VSIG8: variants seen among roughly 807,000 people sequenced by gnomAD.
The protein encoded by VSIG8 is V-set and immunoglobulin domain-containing protein 8.
Under a neutral mutation model 42.6 loss-of-function variants are expected in VSIG8, and 32 were observed. The ratio of observed to expected loss-of-function variants is 0.75; its 90% CI spans 0.57 to 1.01. The LOEUF (loss-of-function observed/expected upper bound fraction) is 1.01. Among genes scored for constraint, VSIG8 ranks in the 50% least tolerant of loss-of-function variants. The pLI is 0.00. For synonymous variants in VSIG8, 290 were observed against 243.8 expected (o/e 1.19, Z -1.77); for missense variants, 529 against 558.0 (o/e 0.95, Z 0.52).
chr1:159,862,587 A>C lies in VSIG8; in HGVS notation c.-66T>G. The C allele has an allele frequency of 7.7e-6, 6 of 775,708 alleles. No individual in the cohort carries two copies. Among genetic ancestry groups the C allele is most frequent in the Non-Finnish European group, 1.2e-5 (6 of 494,052 alleles). 48.1% of individuals were successfully genotyped at this position (775,708 alleles called of 1,614,324 possible). The stretch of plus-strand genomic sequence containing the variant: ...CCGTGGGGTCGTAGTGGTGGGTGTG[A>C]GGGGGTAGGTGGAGGGAGGGGGAGC... On this transcript the variant is annotated 5_prime_UTR_variant, in exon 1 of 7. Transcript: ENST00000368100.
At chr1:159,857,110 T>C (rs999207602) in intron 4 of VSIG8, among the ~76,000 whole-genome samples, 2 of 152,132 alleles carry the variant, frequency 1.3e-5, no homozygotes, top group African/African-American at 4.8e-5. Flanking sequence ...TCCCTTTCCA[T>C]ATATGAAGAA....
In VSIG8 at chr1:159,855,980, C is replaced by A; in HGVS notation, c.874G>T (p.Gly292Trp). 2 of 1,600,708 alleles carry A rather than the reference C, an allele frequency of 1.2e-6. No individual in the cohort carries two copies. The highest frequency in any genetic ancestry group is 1.1e-5 in the South Asian group (1 of 89,458). The change falls in exon 6 of 7, where the codon GGG becomes TGG. Residue 292 changes from glycine (G) to tryptophan (W), a missense_variant. Transcript: ENST00000368100. ...GIWGLVCCCC[G>W]GSGAGGARGA... is the part of the protein sequence containing the mutation. ...CGGGCGCCGCCAGCCCCGGAGCCCC[C>A]GCAGCAGCAGCAGACGAGCCCCCAG...
In VSIG8 at chr1:159,854,736, C is replaced by T. The variant is rs1452292869; in HGVS notation, c.*17G>A. 2 of 1,457,678 alleles carry T rather than the reference C, an allele frequency of 1.4e-6. No individual in the cohort carries two copies. The highest frequency in any genetic ancestry group is 1.8e-6 in the Non-Finnish European group (2 of 1,113,932). 90.3% of individuals were successfully genotyped at this position (1,457,678 alleles called of 1,614,324 possible). On this transcript the variant is annotated 3_prime_UTR_variant, in exon 7 of 7. Transcript: ENST00000368100. The stretch of plus-strand genomic sequence containing the variant: ...CCCTCCTCCTGGCTGGGGCGCAGCC[C>T]GGCCCGGCGCGCGCGCTCACACCAA...
rs1378159867 is a variant in VSIG8, at chr1:159,855,911, C to A, written c.943G>T (p.Ala315Ser). Residue 315 changes from alanine to serine, a missense_variant, in exon 6 of 7, where the codon GCC becomes TCC. Transcript: ENST00000368100. ...YGNGGGVGGG[A>S]CGDLASEIRE... ...ATCTCACTAGCCAAGTCGCCGCAGGCCCCTCCGCCGACCCCGCCGCCGTTG... is the reference window on the plus strand; with the variant it reads ...ATCTCACTAGCCAAGTCGCCGCAGGACCCTCCGCCGACCCCGCCGCCGTTG... 1 of 1,558,078 alleles carries A rather than the reference C, an allele frequency of 6.4e-7. No homozygotes were observed. Among genetic ancestry groups the A allele is most frequent in the Admixed American group, 1.9e-5 (1 of 51,296 alleles).
rs147116104 is a variant in VSIG8, at chr1:159,856,507, A to G, written c.772+17T>C. 1.2e-6 allele frequency: 2 copies of G among 1,613,392 alleles called. No individual in the cohort carries two copies. Among genetic ancestry groups the G allele is most frequent in the Non-Finnish European group, 1.7e-6 (2 of 1,179,586 alleles). On this transcript the variant is annotated intron_variant, in intron 5 of 6. Coordinates refer to ENST00000368100, the MANE Select transcript of VSIG8 (RefSeq NM_001013661.1). The stretch of plus-strand genomic sequence containing the variant: ...CAACCCTCCCAACCACCCAGCCCTC[A>G]AGACTGCTGCACCTACCTGAGACCT...
Position 159,854,718 on chromosome 1 carries a change from C to G in VSIG8, c.*35G>C. The G allele has an allele frequency of 7.0e-7, 1 of 1,432,908 alleles. No individual in the cohort carries two copies. Among genetic ancestry groups the G allele is most frequent in the African/African-American group, 1.5e-5 (1 of 66,818 alleles). 88.8% of individuals were successfully genotyped at this position (1,432,908 alleles called of 1,614,324 possible). On this transcript the variant is annotated 3_prime_UTR_variant, in exon 7 of 7. Transcript: ENST00000368100. ...CAGACAGAGAGCCCCGCGCCCTCCT[C>G]CTGGCTGGGGCGCAGCCCGGCCCGG...
chr1:159,858,863 G>A lies in VSIG8; in HGVS notation c.99C>T (p.Tyr33=). The A allele has an allele frequency of 6.2e-7, 1 of 1,614,024 alleles. No individual in the cohort carries two copies. Among genetic ancestry groups the A allele is most frequent in the East Asian group, 2.2e-5 (1 of 44,864 alleles). Reference sequence around the variant, plus strand: ...GCCTCACATTATCACCTTCTGCCAGGTACAGGACCTCCTGTCCATCCCCGT... The same window carrying A: ...GCCTCACATTATCACCTTCTGCCAGATACAGGACCTCCTGTCCATCCCCGT... The part of the protein sequence containing the change: ...RINGDGQEVL[Y]LAEGDNVRLG... Residue 33 remains tyrosine (Y), a synonymous_variant, in exon 2 of 7, where the codon TAC becomes TAT. Coordinates refer to ENST00000368100, the MANE Select transcript of VSIG8 (RefSeq NM_001013661.1).
chr1:159,862,317 C>G lies in VSIG8; in HGVS notation c.49+156G>C, dbSNP rs1307888163. 4.3e-6 allele frequency: 3 copies of G among 692,650 alleles called. No individual in the cohort carries two copies. In the East Asian group the frequency reaches 8.4e-5, roughly 19 times the overall value. The allele number at this position is 692,650 out of a possible 1,614,324, so 42.9% of individuals were successfully genotyped here. ...CACAGGGTCTCCTGGGGAAAGGTCC[C>G]CTGGTAATACCCACACCCGGCTGCA... On this transcript the variant is annotated intron_variant, in intron 1 of 6. Coordinates refer to ENST00000368100, the MANE Select transcript of VSIG8 (RefSeq NM_001013661.1).
At chr1:159,855,213 G>C (rs1320832536) in intron 6 of VSIG8, 187 bp from the exon 7 acceptor site, 4 of 1,551,454 alleles carry the variant, frequency 2.6e-6, no homozygotes, top group African/African-American at 1.4e-5. Context: ...CGACCCTGCA[G>C]CGGTCCCGGA....
rs1284063593 is a variant in VSIG8, at chr1:159,857,993, C to A, written c.431-27G>T. On this transcript the variant is annotated intron_variant, in intron 3 of 6. Transcript: ENST00000368100. ...TGCAAGGAGGCAGACAATTGTAAGCCAGGGCCCAGCCAAGAGACAGAGCCA... is the reference window on the plus strand; with the variant it reads ...TGCAAGGAGGCAGACAATTGTAAGCAAGGGCCCAGCCAAGAGACAGAGCCA... The A allele has an allele frequency of 2.5e-6, 4 of 1,612,274 alleles. No individual in the cohort carries two copies. In the South Asian group the frequency reaches 4.4e-5, roughly 18 times the overall value.
rs773986906 is a variant in VSIG8, at chr1:159,856,070, T to G, written c.784A>C (p.Ile262Leu). ...VEVKVSDSRR[I>L]GVIIGIVLGS... ...AGGACGATGCCGATGATCACGCCTA[T>G]ACGCCGGGAGTCTGTGGAGAGAAGT... The change falls in exon 6 of 7, where the codon ATA (isoleucine) becomes CTA (leucine). Residue 262 changes from isoleucine (I) to leucine (L), a missense_variant. Transcript: ENST00000368100. 1 of 1,611,704 alleles carries G rather than the reference T, an allele frequency of 6.2e-7. No individual in the cohort carries two copies. The highest frequency in any genetic ancestry group is 8.5e-7 in the Non-Finnish European group (1 of 1,179,166).
chr1:159,861,760 C>T (rs1365052745), intron 1 of VSIG8: 1 of 152,304 alleles, frequency 6.6e-6, no homozygotes, highest in East Asian at 1.9e-4. Context: ...CTTGCCCCAA[C>T]CTGGGCAGGA....
rs1648904481 is a variant in VSIG8, at chr1:159,858,077, A to G, written c.430+13T>C. The G allele has an allele frequency of 1.2e-6, 2 of 1,614,164 alleles. No homozygotes were observed. ...AGCCAGGGGGAGAGGAGCTTAGAGGAGTCTGGCCATACCTTGGACAGTGAC... is the reference window on the plus strand; with the variant it reads ...AGCCAGGGGGAGAGGAGCTTAGAGGGGTCTGGCCATACCTTGGACAGTGAC... On this transcript the variant is annotated intron_variant, in intron 3 of 6. Coordinates refer to ENST00000368100, the MANE Select transcript of VSIG8 (RefSeq NM_001013661.1).
At chr1:159,855,294 A>C in intron 6 of VSIG8, 3 of 1,542,754 alleles carry the variant, frequency 1.9e-6, no homozygotes. Context: ...AGCCCCCTCC[A>C]GGCCCCTGCA....
In VSIG8 at chr1:159,857,880, A is replaced by G. The variant is rs757533419; in HGVS notation, c.517T>C (p.Ser173Pro). The G allele has an allele frequency of 6.2e-7, 1 of 1,614,174 alleles. No homozygotes were observed. Among genetic ancestry groups the G allele is most frequent in the South Asian group, 1.1e-5 (1 of 91,080 alleles). Residue 173 changes from serine to proline, a missense_variant, in exon 4 of 7, where the codon TCC becomes CCC. Physicochemically the swap from Ser to Pro is moderately conservative, Grantham distance 74. Transcript: ENST00000368100. ...VVLKCYASGG[S>P]QPLSYKWAKI... ...GCCCACTTGTAGGAGAGGGGCTGGGAGCCCCCACTGGCATAGCACTTCAGC... is the reference window on the plus strand; with the variant it reads ...GCCCACTTGTAGGAGAGGGGCTGGGGGCCCCCACTGGCATAGCACTTCAGC...
Position 159,856,044 on chromosome 1 carries a change from C to T in VSIG8, c.810G>A (p.Leu270=). The T allele has an allele frequency of 6.2e-7, 1 of 1,612,380 alleles. No individual in the cohort carries two copies. The highest frequency in any genetic ancestry group is 8.5e-7 in the Non-Finnish European group (1 of 1,179,458). Residue 270 remains leucine, a synonymous_variant, in exon 6 of 7, where the codon CTG becomes CTA. Coordinates refer to ENST00000368100, the MANE Select transcript of VSIG8 (RefSeq NM_001013661.1). ...GGCAGCCCAGCGCGAGCAGAGAGCC[C>T]AGGACGATGCCGATGATCACGCCTA... The part of the protein sequence containing the change: ...RRIGVIIGIV[L]GSLLALGCLA...
At chr1:159,857,708 A>G in intron 4 of VSIG8, 37 bp downstream of exon 4, 1 of 1,580,286 alleles carries the variant, frequency 6.3e-7, no homozygotes. Flanking sequence ...CTGATCTTCC[A>G]CTCACCCCCG....
rs184961260 is a variant in VSIG8 at position 159,860,235 on chromosome 1, G to A, written c.50-1323C>T. Among the ~76,000 whole-genome samples, 7 of 152,214 alleles carry A rather than the reference G, an allele frequency of 4.6e-5. No individual in the cohort carries two copies. In the East Asian group the frequency reaches 5.8e-4, roughly 13 times the overall value. On this transcript the variant is annotated intron_variant, in intron 1 of 6. Coordinates refer to ENST00000368100, the MANE Select transcript of VSIG8 (RefSeq NM_001013661.1). ...CCATCACAGGCAAACAAATCGGCAC[G>A]TGGCCCACTCTTACAAGGCTTCAAA...
At chr1:159,855,481 CTATTT>C in intron 6 of VSIG8, 1 of 1,379,350 alleles carries the variant, frequency 7.2e-7, no homozygotes, top group Non-Finnish European at 9.3e-7. Flanking sequence ...TAGACTTGTT[CTATTT>C]TTATTTCTAG....
Sources: allele counts gnomAD v4.1 joint callset (sites outside exome capture counted in the v4.1 genomes callset), GRCh38; gene constraint gnomAD v4.1.1; transcripts MANE v1.5; gene names NCBI Gene and HGNC (gene_info 2026-07-23, HGNC 2026-07-21).